The following MMP16 variants were observed in gnomAD, a reference collection of about 807,000 sequenced individuals.
MMP16 encodes matrix metalloproteinase-16.
MMP16 carries 12 observed loss-of-function variants against 67.8 expected under a neutral mutation model. The observed-to-expected ratio is 0.18, with a 90% CI of 0.11 to 0.29. The LOEUF (loss-of-function observed/expected upper bound fraction) is 0.29, where lower values mean the gene tolerates loss of function less well. Ranked by LOEUF, MMP16 falls within the 10% of genes least tolerant of loss-of-function variation. The probability of loss-of-function intolerance (pLI) is 1.00; values close to 1 mark genes in which losing one functional copy is unlikely to be tolerated. For synonymous variants in MMP16, 249 were observed against 255.9 expected, an observed-to-expected ratio of 0.97 and a Z score of 0.26; for missense variants, 475 against 765.7, an observed-to-expected ratio of 0.62 and a Z score of 4.48.
At chr8:88,239,494 C>T (rs1190547110) in intron 1 of MMP16, among the ~76,000 whole-genome samples, 1 of 150,906 alleles carries the variant, frequency 6.6e-6, no homozygotes, top group African/African-American at 2.4e-5. Flanking sequence ...TTGGCATCTA[C>T]CGTAAGTTCT....
At chr8:88,186,286 CAG>C (rs150883668) in intron 3 of MMP16, 188 bp downstream of exon 3, 9,346 of 527,888 alleles carry the variant, frequency 0.018, 145 homozygotes, top group Non-Finnish European at 0.023. Context: ...CCAAGTGTCT[CAG>C]AGTGTCTACA....
At chr8:88,179,276 A>T (rs1384081243) in intron 3 of MMP16, among the ~76,000 whole-genome samples, 2 of 152,140 alleles carry the variant, frequency 1.3e-5, no homozygotes, top group African/African-American at 2.4e-5. Context: ...TTCAAGAACC[A>T]TGCAAGCAAA....
At chr8:88,273,505 C>T (rs981509713) in intron 1 of MMP16, among the ~76,000 whole-genome samples, 1 of 152,082 alleles carries the variant, frequency 6.6e-6, no homozygotes, top group African/African-American at 2.4e-5. Flanking sequence ...TATATCAATT[C>T]TGACACAGAA....
Position 88,067,233 on chromosome 8 carries a change from T to C in MMP16, c.1222+7372A>G, listed in dbSNP as rs149275138. Among the ~76,000 whole-genome samples the C allele has an allele frequency of 2.9e-3, 447 of 152,234 alleles. 3 individuals are homozygous for C. Among genetic ancestry groups the C allele is most frequent in the African/African-American group, 0.01 (425 of 41,570 alleles). ...ATGCATCTCAGCTATGAGGGTACAT[T>C]GCACTTGATTATCAACGGGCTCAAC... On this transcript the variant is annotated intron_variant, in intron 7 of 9. Transcript: ENST00000286614.
chr8:88,229,202 C>T (rs578163647), intron 1 of MMP16, among the ~76,000 whole-genome samples: 1 of 152,034 alleles, frequency 6.6e-6, no homozygotes, highest in Admixed American at 6.6e-5. Context: ...ACTGTTGTTA[C>T]TTTATTTGAT....
At chr8:88,080,875 A>G (rs535082173) in intron 6 of MMP16, among the ~76,000 whole-genome samples, 1 of 152,332 alleles carries the variant, frequency 6.6e-6, no homozygotes, top group South Asian at 2.1e-4. Flanking sequence ...GCAGCTATAT[A>G]CATAATAAGG....
chr8:88,042,996 G>A (rs1808152115), intron 9 of MMP16, among the ~76,000 whole-genome samples: 1 of 152,094 alleles, frequency 6.6e-6, no homozygotes, highest in Admixed American at 6.6e-5. Flanking sequence ...TTTGATACAA[G>A]GCAAAATTCA....
intron 7 of MMP16, among the ~76,000 whole-genome samples, chr8:88,064,208 T>C (rs1404563502): frequency 6.6e-6 from 1 of 152,144 alleles, no homozygotes; most frequent in Non-Finnish European, 1.5e-5. Flanking sequence ...ATTTACTATG[T>C]AGTTTTTTAC....
intron 4 of MMP16, among the ~76,000 whole-genome samples, chr8:88,144,102 C>A (rs777773286): frequency 6.6e-6 from 1 of 151,916 alleles, no homozygotes; most frequent in Non-Finnish European, 1.5e-5. Context: ...AAAACTTTCA[C>A]TTTAAACAGG....
intron 4 of MMP16, among the ~76,000 whole-genome samples, chr8:88,166,726 T>TATATAG (rs1808720044): frequency 7.6e-6 from 1 of 132,228 alleles, no homozygotes; most frequent in Non-Finnish European, 1.6e-5. Context: ...TATATATATA[T>TATATAG]ATATTCTTAA....
intron 1 of MMP16, among the ~76,000 whole-genome samples, chr8:88,247,138 G>C (rs112605060): frequency 6.6e-6 from 1 of 152,196 alleles, no homozygotes; most frequent in South Asian, 2.1e-4. Flanking sequence ...CAGGGTAGGG[G>C]CACGGTCAAC....
intron 1 of MMP16, among the ~76,000 whole-genome samples, chr8:88,225,010 T>C (rs1257243167): frequency 6.6e-6 from 1 of 151,962 alleles, no homozygotes; most frequent in Non-Finnish European, 1.5e-5. Flanking sequence ...GAGTGAGGTG[T>C]GAAATAAATC....
At chr8:88,151,624 A>C (rs1252324660) in intron 4 of MMP16, among the ~76,000 whole-genome samples, 12 of 143,868 alleles carry the variant, frequency 8.3e-5, no homozygotes, top group African/African-American at 2.8e-4. Flanking sequence ...CTGGGTACAT[A>C]ACGAAATGAA....
intron 1 of MMP16, among the ~76,000 whole-genome samples, chr8:88,203,233 A>G (rs1158513090): frequency 6.6e-6 from 1 of 151,108 alleles, no homozygotes; most frequent in Non-Finnish European, 1.5e-5. Context: ...CCTCCCGAGT[A>G]GGTGGGACTA....
intron 7 of MMP16, among the ~76,000 whole-genome samples, chr8:88,062,784 T>C (rs1586130007): frequency 1.3e-5 from 2 of 152,066 alleles, no homozygotes; most frequent in East Asian, 3.9e-4. Context: ...TGTGCACATG[T>C]ACCCTACAAC....
At position 88,167,707 on chromosome 8, in the gene MMP16, G is replaced by A; in HGVS notation, c.671C>T (p.Ser224Leu). The part of the protein sequence containing the change: ...PGIGGDTHFD[S>L]DEPWTLGNPN... Reference sequence around the variant, plus strand: ...ATTTCCTAGTGTCCATGGCTCATCTGAGTCAAAATGGGTATCTCCTCCAAT... The same window carrying A: ...ATTTCCTAGTGTCCATGGCTCATCTAAGTCAAAATGGGTATCTCCTCCAAT... Residue 224 changes from serine to leucine, a missense_variant, in exon 4 of 10, where the codon TCA (serine) becomes TTA (leucine). Coordinates refer to ENST00000286614, the MANE Select transcript of MMP16 (RefSeq NM_005941.5). 1.2e-6 allele frequency: 2 copies of A among 1,613,828 alleles called. No homozygotes were observed. Among genetic ancestry groups the A allele is most frequent in the Non-Finnish European group, 1.7e-6 (2 of 1,179,878 alleles).
chr8:88,312,447 T>C (rs1441987731), intron 1 of MMP16, among the ~76,000 whole-genome samples: 8 of 152,216 alleles, frequency 5.3e-5, no homozygotes, highest in African/African-American at 1.9e-4. Context: ...CAATATGCAA[T>C]TTTTAACAGC....
intron 3 of MMP16, among the ~76,000 whole-genome samples, chr8:88,184,563 GAAAA>G (rs59310737): frequency 8.2e-4 from 9 of 10,936 alleles, no homozygotes; most frequent in Admixed American, 2.2e-3. Flanking sequence ...CTCTCTCTCT[GAAAA>G]AAAAAAAAAA....
At chr8:88,054,164 G>A (rs539963121) in intron 8 of MMP16, among the ~76,000 whole-genome samples, 1 of 152,188 alleles carries the variant, frequency 6.6e-6, no homozygotes, top group East Asian at 1.9e-4. Flanking sequence ...AATGAAATGG[G>A]CATTTTTATT....
Sources: allele counts gnomAD v4.1 joint callset (sites outside exome capture counted in the v4.1 genomes callset), GRCh38; gene constraint gnomAD v4.1.1; transcripts MANE v1.5; gene names NCBI Gene and HGNC (gene_info 2026-07-23, HGNC 2026-07-21).